The following MTFR1 variants were observed in gnomAD, a reference collection of about 807,000 sequenced individuals.
MTFR1 encodes mitochondrial fission regulator 1.
Under a neutral mutation model 38.8 loss-of-function variants are expected in MTFR1, and 28 were observed. The observed-to-expected ratio is 0.72, with a 90% CI of 0.53 to 0.99. MTFR1 has a LOEUF of 0.99. Ranked by LOEUF, MTFR1 falls within the 50% of genes least tolerant of loss-of-function variation. The pLI is 0.00. For synonymous variants in MTFR1, 145 were observed against 137.0 expected (o/e 1.06, Z -0.41); for missense variants, 358 against 395.5 (o/e 0.91, Z 0.81).
chr8:65,773,752 T>C (rs1809179092), downstream of MTFR1, among the ~76,000 whole-genome samples: 1 of 152,188 alleles, frequency 6.6e-6, no homozygotes, highest in African/African-American at 2.4e-5. Context: ...TATCCTATTT[T>C]AATTTCATTA....
At chr8:65,771,884 CAAAAAAAAAAAAAA>C (rs36101490), downstream of MTFR1, among the ~76,000 whole-genome samples, 1 of 55,836 alleles carries the variant, frequency 1.8e-5, no homozygotes, top group South Asian at 8.9e-4. Flanking sequence ...CTCCATCTCT[CAAAAAAAAAAAAAA>C]AAAAAAAAAG....
downstream of MTFR1, chr8:65,771,286 T>G (rs1381989892): frequency 1.3e-5 from 2 of 152,816 alleles, no homozygotes; most frequent in African/African-American, 2.4e-5. Flanking sequence ...GCAATATAGA[T>G]GTCTAATTTC....
In MTFR1 at chr8:65,727,411, C is replaced by A. The variant is rs139641538; in HGVS notation, c.*48+7930C>A. ...ATGGTAGTGGTGGTAATCTCCTCCCCCTTCACGTCATTCCTCAGGTGGTTG... is the reference window on the plus strand; with the variant it reads ...ATGGTAGTGGTGGTAATCTCCTCCCACTTCACGTCATTCCTCAGGTGGTTG... On this transcript the variant is annotated intron_variant, in intron 3 of 3. Coordinates refer to the MTFR1 transcript ENST00000521247. 2,654 of 1,471,058 alleles carry A rather than the reference C, an allele frequency of 1.8e-3. 6 individuals carry two copies. Among genetic ancestry groups the A allele is most frequent in the Non-Finnish European group, 2.2e-3 (2,379 of 1,096,200 alleles). The allele number at this position is 1,471,058 out of a possible 1,614,324, so 91.1% of individuals were successfully genotyped here. A position where few individuals can be genotyped will look rare whatever the true frequency, so the allele number is the denominator to read the frequency against.
chr8:65,658,632 A>G (rs533133078), intron 1 of MTFR1, among the ~76,000 whole-genome samples: 66 of 152,304 alleles, frequency 4.3e-4, no homozygotes, highest in African/African-American at 1.4e-3. Flanking sequence ...ATACACACAC[A>G]CACATTTTCA....
intron 1 of MTFR1, among the ~76,000 whole-genome samples, chr8:65,666,907 C>G (rs1200153717): frequency 6.6e-6 from 1 of 152,182 alleles, no homozygotes; most frequent in African/African-American, 2.4e-5. Context: ...GCCCCACTTC[C>G]CATACCCAGA....
At chr8:65,678,066 C>T (rs536921753) in intron 2 of MTFR1, among the ~76,000 whole-genome samples, 2 of 152,096 alleles carry the variant, frequency 1.3e-5, no homozygotes, top group African/African-American at 2.4e-5. Context: ...TTTCTTCTCC[C>T]TGCCTTCTCT....
chr8:65,748,093 G>GT (rs1807768385), intron 3 of MTFR1, among the ~76,000 whole-genome samples: 1 of 146,200 alleles, frequency 6.8e-6, no homozygotes, highest in African/African-American at 2.4e-5. Flanking sequence ...AATAATCACG[G>GT]TTTGTTTTTT....
chr8:65,667,146 C>T (rs1447508186), intron 1 of MTFR1, among the ~76,000 whole-genome samples: 2 of 151,904 alleles, frequency 1.3e-5, no homozygotes, highest in Admixed American at 6.6e-5. Flanking sequence ...CATGGTGGTG[C>T]ATGCCTGTAC....
chr8:65,713,439 AACACACACACACACACAC>A (rs144454204), downstream of MTFR1, among the ~76,000 whole-genome samples: 17 of 137,554 alleles, frequency 1.2e-4, no homozygotes, highest in South Asian at 2.6e-4. Context: ...TCCCATCTCA[AACACACACACACACACAC>A]ACACACACAC....
chr8:65,651,719 G>GAAGTC (rs980973914), intron 1 of MTFR1, among the ~76,000 whole-genome samples: 14 of 152,032 alleles, frequency 9.2e-5, no homozygotes, highest in African/African-American at 3.1e-4. Flanking sequence ...AGTATAATTT[G>GAAGTC]AAGTCCAGTT....
Position 65,720,789 on chromosome 8 carries a change from G to C in MTFR1, c.*48+1308G>C, listed in dbSNP as rs544026718. ...ACAAACATAGAAAAGTGTCATTATA[G>C]TCAAAGCACACAGCGGCTTTCTGGC... On this transcript the variant is annotated intron_variant, in intron 3 of 3. Transcript: ENST00000521247. 6.6e-5 allele frequency among the ~76,000 whole-genome samples: 10 copies of C among 152,296 alleles called. No homozygotes were observed. The South Asian group carries it at 2.1e-3, about 32-fold the overall frequency.
chr8:65,680,912 T>TC (rs1804860586), intron 2 of MTFR1, among the ~76,000 whole-genome samples: 1 of 142,152 alleles, frequency 7.0e-6, no homozygotes, highest in Non-Finnish European at 1.5e-5. Flanking sequence ...TTTTTTTTTT[T>TC]TTTTTTTTTT....
chr8:65,680,029 G>A (rs1804828668), intron 2 of MTFR1, among the ~76,000 whole-genome samples: 1 of 152,146 alleles, frequency 6.6e-6, no homozygotes, highest in Non-Finnish European at 1.5e-5. Flanking sequence ...TAGGTTATAA[G>A]TACTTTTTGG....
intron 1 of MTFR1, among the ~76,000 whole-genome samples, chr8:65,659,727 AG>A (rs1809360634): frequency 6.6e-6 from 1 of 152,184 alleles, no homozygotes; most frequent in South Asian, 2.1e-4. Flanking sequence ...GTTGAGTTTG[AG>A]AACAAAGGAC....
At chr8:65,682,642 T>C (rs1804936948) in intron 3 of MTFR1, 191 bp downstream of exon 3, 1 of 611,688 alleles carries the variant, frequency 1.6e-6, no homozygotes, top group Admixed American at 6.3e-5. Flanking sequence ...GTGATTGAGA[T>C]TTTTAAGATA....
chr8:65,732,902 G>C (rs961143351), intron 3 of MTFR1, among the ~76,000 whole-genome samples: 1 of 151,880 alleles, frequency 6.6e-6, no homozygotes, highest in African/African-American at 2.4e-5. Context: ...AAGAGATGAG[G>C]TCTTGCTATG....
At chr8:65,695,176 A>G (rs1805398758) in intron 4 of MTFR1, among the ~76,000 whole-genome samples, 1 of 152,210 alleles carries the variant, frequency 6.6e-6, no homozygotes, top group East Asian at 1.9e-4. Flanking sequence ...ATTTAACTGA[A>G]TTAAGAAACT....
chr8:65,667,551 C>G (rs1804423022), intron 1 of MTFR1, among the ~76,000 whole-genome samples: 1 of 151,990 alleles, frequency 6.6e-6, no homozygotes, highest in Non-Finnish European at 1.5e-5. Flanking sequence ...CCTCAGCCTC[C>G]CAAGTAGCTG....
intron 2 of MTFR1, among the ~76,000 whole-genome samples, chr8:65,676,768 C>T (rs777598972): frequency 3.9e-5 from 6 of 152,230 alleles, no homozygotes; most frequent in Non-Finnish European, 7.3e-5. Context: ...TGAATTACCA[C>T]ATACAGCTTG....
Sources: gnomAD v4.1 joint callset for allele counts (sites outside exome capture counted in the v4.1 genomes callset) on GRCh38, gnomAD v4.1.1 for gene constraint, MANE v1.5 for transcripts, NCBI Gene and HGNC (gene_info 2026-07-23, HGNC 2026-07-21) for gene names.